The following OSBPL10 variants were observed in gnomAD, a reference collection of about 807,000 sequenced individuals.
The protein encoded by OSBPL10 is oxysterol binding protein like 10, also known as oxysterol-binding protein-related protein 10.
In OSBPL10, 49 loss-of-function variants were observed where a neutral mutation model predicts 81.7. The observed-to-expected ratio is 0.60, with a 90% confidence interval of 0.48 to 0.76. OSBPL10 has a LOEUF of 0.76. OSBPL10 is among the 30% of genes least tolerant of loss of function. The pLI is 0.00. For synonymous variants in OSBPL10, 419 were observed against 383.6 expected (o/e 1.09, Z -1.08); for missense variants, 923 against 987.8 (o/e 0.93, Z 0.88).
intron 2 of OSBPL10, among the ~76,000 whole-genome samples, chr3:32,020,269 C>G (rs1575086812): frequency 2.0e-5 from 3 of 152,184 alleles, no homozygotes; most frequent in South Asian, 2.1e-4. Flanking sequence ...ATTTTAGAAC[C>G]CTGCCCAATT....
At chr3:31,812,716 A>G (rs1190849490) in intron 4 of OSBPL10, among the ~76,000 whole-genome samples, 1 of 54,112 alleles carries the variant, frequency 1.8e-5, no homozygotes, top group East Asian at 2.3e-3. Flanking sequence ...AGTAGGCAAA[A>G]AAAAAGAAAG....
intron 3 of OSBPL10, among the ~76,000 whole-genome samples, chr3:31,841,740 C>A (rs1219325307): frequency 6.6e-6 from 1 of 152,214 alleles, no homozygotes; most frequent in East Asian, 1.9e-4. Flanking sequence ...CCCCCACCAG[C>A]TGAGCTGGGT....
chr3:32,031,801 T>TG (rs1559552407), intron 2 of OSBPL10, among the ~76,000 whole-genome samples: 1 of 152,058 alleles, frequency 6.6e-6, no homozygotes, highest in Non-Finnish European at 1.5e-5. Flanking sequence ...CTGATGTTAG[T>TG]ACTTTTTTCA....
intron 4 of OSBPL10, among the ~76,000 whole-genome samples, chr3:31,761,180 T>C (rs1698024960): frequency 6.7e-6 from 1 of 149,418 alleles, no homozygotes; most frequent in Admixed American, 6.6e-5. Flanking sequence ...TAAAGAAAAG[T>C]TAAGAAGTTT....
chr3:31,944,833 TAAAAAAAAAAAAAAAAAAAAAA>T (rs869140991), intron 1 of OSBPL10, among the ~76,000 whole-genome samples: 6 of 55,100 alleles, frequency 1.1e-4, no homozygotes, highest in Admixed American at 2.2e-4. Flanking sequence ...CCCCTCTCTT[TAAAAAAAAAAAAAAAAAAAAAA>T]AAAAAAAAAA....
At chr3:31,902,274 T>TTG (rs1442063559) in intron 1 of OSBPL10, among the ~76,000 whole-genome samples, 7 of 150,018 alleles carry the variant, frequency 4.7e-5, no homozygotes, top group Non-Finnish European at 7.4e-5. Context: ...TTTTTTTTTT[T>TTG]TTTTTGGAGA....
chr3:31,702,481 A>T lies in OSBPL10; in HGVS notation c.1123T>A (p.Ser375Thr). The change falls in exon 7 of 12, where the codon TCT (serine) becomes ACT (threonine). Residue 375 changes from serine to threonine, a missense_variant. Transcript: ENST00000396556. ...EPNSGSELVLSEDEKSDNEDK... is the reference protein window; with the variant it reads ...EPNSGSELVLTEDEKSDNEDK... ...TCATTGTCACTTTTTTCATCTTCAG[A>T]CAAAACCAATTCAGAGCCTGAGTTT... 3.1e-6 allele frequency: 5 copies of T among 1,614,230 alleles called. No homozygotes were observed. Among genetic ancestry groups the T allele is most frequent in the Non-Finnish European group, 3.4e-6 (4 of 1,180,038 alleles).
intron 2 of OSBPL10, among the ~76,000 whole-genome samples, chr3:31,993,078 G>A (rs1024338601): frequency 5.9e-5 from 9 of 151,928 alleles, no homozygotes; most frequent in African/African-American, 1.7e-4. Context: ...AGCCAAAGAC[G>A]GGAAAATATT....
At chr3:31,996,374 C>A (rs1315243229) in intron 2 of OSBPL10, among the ~76,000 whole-genome samples, 1 of 152,172 alleles carries the variant, frequency 6.6e-6, no homozygotes, top group Non-Finnish European at 1.5e-5. Flanking sequence ...TGCAAGGGAA[C>A]AATGATATGA....
intron 2 of OSBPL10, chr3:32,030,353 C>A: frequency 1.9e-6 from 1 of 531,000 alleles, no homozygotes; most frequent in Non-Finnish European, 3.5e-6. Context: ...AAAGGAATGC[C>A]CCACAAGAGG....
At chr3:31,897,072 A>C (rs906948207) in intron 1 of OSBPL10, among the ~76,000 whole-genome samples, 1 of 152,222 alleles carries the variant, frequency 6.6e-6, no homozygotes, top group South Asian at 2.1e-4. Context: ...CATCTACACT[A>C]TAAAAGGAAG....
At chr3:31,671,912 C>G (rs1337632815) in intron 8 of OSBPL10, among the ~76,000 whole-genome samples, 2 of 152,148 alleles carry the variant, frequency 1.3e-5, no homozygotes, top group Non-Finnish European at 2.9e-5. Context: ...CTTAAGATCA[C>G]ATCTTCACAA....
chr3:31,733,714 A>G (rs1697053527), intron 5 of OSBPL10, among the ~76,000 whole-genome samples: 1 of 69,004 alleles, frequency 1.4e-5, no homozygotes, highest in East Asian at 5.0e-4. Context: ...TTTTTTTTGA[A>G]CTTTTAAAAA....
chr3:31,858,057 G>A (rs559357433), intron 3 of OSBPL10, among the ~76,000 whole-genome samples: 13 of 150,904 alleles, frequency 8.6e-5, no homozygotes, highest in Non-Finnish European at 1.5e-4. Flanking sequence ...GTGCAGGGGC[G>A]TAATCATGGC....
At chr3:31,974,040 T>G (rs896297196) in intron 1 of OSBPL10, among the ~76,000 whole-genome samples, 1 of 152,004 alleles carries the variant, frequency 6.6e-6, no homozygotes, top group African/African-American at 2.4e-5. Flanking sequence ...TATACAGGCA[T>G]CCAGCAAAGG....
chr3:31,920,541 C>A (rs946739154), intron 1 of OSBPL10, among the ~76,000 whole-genome samples: 3 of 152,108 alleles, frequency 2.0e-5, no homozygotes, highest in African/African-American at 7.2e-5. Context: ...TGCAGGTTAC[C>A]AATGCTGCTA....
At chr3:31,820,331 T>C (rs953483594) in intron 4 of OSBPL10, among the ~76,000 whole-genome samples, 2 of 152,160 alleles carry the variant, frequency 1.3e-5, no homozygotes, top group African/African-American at 4.8e-5. Flanking sequence ...GCACGGTGGC[T>C]CACGCCTATA....
Position 32,040,910 on chromosome 3 carries a change from T to C in OSBPL10, n.298+5581A>G, listed in dbSNP as rs192189096. On this transcript the variant is annotated intron_variant and non_coding_transcript_variant, in intron 2 of 3. Coordinates refer to the OSBPL10 transcript ENST00000479173. ...ACTGAGATGACCTTACATTGTTCCT[T>C]GCAGCTCCAGAGAGGTACAGGAGAT... is the stretch of plus-strand genomic sequence containing the variant. Among the ~76,000 whole-genome samples, 471 of 152,284 alleles carry C rather than the reference T, an allele frequency of 3.1e-3. 1 individual carries two copies. Among genetic ancestry groups the C allele is most frequent in the African/African-American group, 0.011 (448 of 41,558 alleles).
intron 3 of OSBPL10, among the ~76,000 whole-genome samples, chr3:31,860,813 G>A (rs1176180912): frequency 6.6e-6 from 1 of 151,172 alleles, no homozygotes; most frequent in African/African-American, 2.4e-5. Context: ...GTAGCTACAG[G>A]TGCCCACCAC....
Sources: allele counts gnomAD v4.1 joint callset (sites outside exome capture counted in the v4.1 genomes callset), GRCh38; gene constraint gnomAD v4.1.1; transcripts MANE v1.5; gene names NCBI Gene and HGNC (gene_info 2026-07-23, HGNC 2026-07-21).